LAMC1: variants seen among roughly 807,000 people sequenced by gnomAD.
LAMC1 encodes the protein laminin subunit gamma-1.
A neutral mutation model predicts 173.6 loss-of-function variants in LAMC1; 38 were observed. The observed-to-expected ratio is 0.22, with a 90% confidence interval of 0.17 to 0.29. The LOEUF (loss-of-function observed/expected upper bound fraction) is 0.29, where lower values mean the gene tolerates loss of function less well. Among genes scored for constraint, LAMC1 ranks in the 10% least tolerant of loss-of-function variants. The probability of loss-of-function intolerance (pLI) is 1.00; values close to 1 mark genes in which losing one functional copy is unlikely to be tolerated. For synonymous variants in LAMC1, 746 were observed against 749.1 expected (o/e 1.00, Z 0.07); for missense variants, 1,824 against 2,051.8 (o/e 0.89, Z 2.14).
intron 1 of LAMC1, among the ~76,000 whole-genome samples, chr1:183,059,046 T>C (rs1654675311): frequency 6.6e-6 from 1 of 152,234 alleles, no homozygotes; most frequent in Non-Finnish European, 1.5e-5. Context: ...CTGTTTTTGT[T>C]ATGCATAGGC....
chr1:183,054,412 C>G (rs1009252054), intron 1 of LAMC1, among the ~76,000 whole-genome samples: 4 of 152,170 alleles, frequency 2.6e-5, no homozygotes, highest in Non-Finnish European at 4.4e-5. Context: ...AAAATGCCTT[C>G]TATACAACGT....
intron 1 of LAMC1, among the ~76,000 whole-genome samples, chr1:183,100,086 G>A (rs1003618570): frequency 6.6e-6 from 1 of 152,180 alleles, no homozygotes; most frequent in Non-Finnish European, 1.5e-5. Flanking sequence ...ACAAGTTGAG[G>A]AGCCTTTCAA....
Position 183,137,741 on chromosome 1 carries a change from A to T in LAMC1, c.4387A>T (p.Asn1463Tyr), listed in dbSNP as rs764375327. The T allele has an allele frequency of 9.3e-6, 15 of 1,612,730 alleles. No homozygotes were observed. Among genetic ancestry groups the T allele is most frequent in the Non-Finnish European group, 1.3e-5 (15 of 1,179,244 alleles). The change falls in exon 26 of 28, where the codon AAT becomes TAT. Residue 1463 changes from asparagine to tyrosine, a missense_variant. Asn to Tyr is a moderately radical substitution (Grantham distance 143, BLOSUM62 -2). Coordinates refer to ENST00000258341, the MANE Select transcript of LAMC1 (RefSeq NM_002293.4). Reference sequence around the variant, plus strand: ...TACAGATCTGGATAATGAGGTGAACAATATGTTGAAGCAACTGCAGGAAGC... The same window carrying T: ...TACAGATCTGGATAATGAGGTGAACTATATGTTGAAGCAACTGCAGGAAGC... ...EVTDLDNEVN[N>Y]MLKQLQEAEK...
chr1:183,028,514 C>G (rs1277642300), intron 1 of LAMC1, among the ~76,000 whole-genome samples: 1 of 152,186 alleles, frequency 6.6e-6, no homozygotes, highest in Admixed American at 6.5e-5. Context: ...TGAGATTTCT[C>G]ACAACGCAAG....
In LAMC1 at chr1:183,050,533, C is replaced by T. The variant is rs1171094431; in HGVS notation, c.418+26399C>T. Among the ~76,000 whole-genome samples the T allele has an allele frequency of 4.1e-5, 6 of 146,380 alleles. No homozygotes were observed. In the East Asian group the frequency reaches 1.1e-3, roughly 26 times the overall value. On this transcript the variant is annotated intron_variant, in intron 1 of 27. Coordinates refer to ENST00000258341, the MANE Select transcript of LAMC1 (RefSeq NM_002293.4). Reference sequence around the variant, plus strand: ...TCCTGACCTCGTGATCTGCCCGCCTCGGCCTCCCAAAGTGCTGGGATTACA... The same window carrying T: ...TCCTGACCTCGTGATCTGCCCGCCTTGGCCTCCCAAAGTGCTGGGATTACA...
intron 1 of LAMC1, among the ~76,000 whole-genome samples, chr1:183,090,328 A>G (rs1363792781): frequency 6.6e-6 from 1 of 152,224 alleles, no homozygotes; most frequent in Non-Finnish European, 1.5e-5. Context: ...TGTAGAAGGT[A>G]TAATTTAATC....
chr1:183,100,993 G>A (rs1330387184), intron 1 of LAMC1, among the ~76,000 whole-genome samples: 1 of 152,176 alleles, frequency 6.6e-6, no homozygotes, highest in Non-Finnish European at 1.5e-5. Flanking sequence ...TGTGTCTGTG[G>A]CTGCAGCAAG....
At chr1:183,070,218 T>A (rs1379398244) in intron 1 of LAMC1, among the ~76,000 whole-genome samples, 1 of 152,210 alleles carries the variant, frequency 6.6e-6, no homozygotes, top group Non-Finnish European at 1.5e-5. Context: ...ATTTGCAAAT[T>A]ATTTAGTCTC....
intron 26 of LAMC1, 90 bp downstream of exon 26, chr1:183,137,917 A>G: frequency 8.8e-7 from 1 of 1,137,502 alleles, no homozygotes; most frequent in Non-Finnish European, 1.2e-6. Context: ...AGTCTTTTTT[A>G]TATTGACTTC....
rs150040941 is a variant in LAMC1 at position 183,100,871 on chromosome 1, C to A, written c.419-2457C>A. On this transcript the variant is annotated intron_variant, in intron 1 of 27. Transcript: ENST00000258341. ...CTGTAGATTGGCATAAGAAAGGTAG[C>A]CCTGCAAATGAAGCTCAGTGCCAGC... is the stretch of plus-strand genomic sequence containing the variant. 9.2e-5 allele frequency among the ~76,000 whole-genome samples: 14 copies of A among 152,288 alleles called. No homozygotes were observed. The East Asian group carries it at 2.5e-3, about 27-fold the overall frequency.
chr1:183,057,614 A>G (rs1472440528), intron 1 of LAMC1, among the ~76,000 whole-genome samples: 1 of 152,144 alleles, frequency 6.6e-6, no homozygotes, highest in Non-Finnish European at 1.5e-5. Context: ...TACAAAAATT[A>G]GCCGGGCATG....
rs1656362341 is a variant in LAMC1 at position 183,117,731 on chromosome 1, A to G, written c.1877+8A>G. ...TGTGAAGTATGTCTTCAGGTAAGAT[A>G]GCCTTCTTTGTAAAGTGAGACTTGA... On this transcript the variant is annotated splice_region_variant and intron_variant, in intron 10 of 27. Coordinates refer to ENST00000258341, the MANE Select transcript of LAMC1 (RefSeq NM_002293.4). 2 of 1,607,324 alleles carry G rather than the reference A, an allele frequency of 1.2e-6. No homozygotes were observed. Among genetic ancestry groups the G allele is most frequent in the African/African-American group, 1.3e-5 (1 of 74,916 alleles).
At chr1:183,044,877 C>T (rs906218186) in intron 1 of LAMC1, among the ~76,000 whole-genome samples, 3 of 150,974 alleles carry the variant, frequency 2.0e-5, no homozygotes, top group Admixed American at 6.6e-5. Flanking sequence ...GACTTTTAAA[C>T]GTTTCTGTTA....
chr1:183,142,034 A>T (rs1298272681), intron 27 of LAMC1, among the ~76,000 whole-genome samples: 1 of 152,202 alleles, frequency 6.6e-6, no homozygotes, highest in African/African-American at 2.4e-5. Context: ...CATTTTCCAT[A>T]GGAAGGCTCC....
At chr1:183,133,841 C>T (rs1656866823) in intron 22 of LAMC1, among the ~76,000 whole-genome samples, 1 of 152,068 alleles carries the variant, frequency 6.6e-6, no homozygotes, top group African/African-American at 2.4e-5. Context: ...AAAAACTTAC[C>T]AAGGTAAAGA....
At chr1:183,077,991 G>T (rs1003829574) in intron 1 of LAMC1, among the ~76,000 whole-genome samples, 4 of 151,600 alleles carry the variant, frequency 2.6e-5, no homozygotes. Context: ...TCCCTTAAAA[G>T]TTGTGTTTTG....
intron 11 of LAMC1, among the ~76,000 whole-genome samples, 161 bp downstream of exon 11, chr1:183,118,307 C>T (rs1028321568): frequency 2.6e-5 from 4 of 152,026 alleles, no homozygotes; most frequent in East Asian, 1.9e-4. Flanking sequence ...CATTTTTTAA[C>T]GGCTTTCAAG....
rs1450137020 is a variant in LAMC1 at position 183,129,109 on chromosome 1, C to T, written c.3280+359C>T. On this transcript the variant is annotated intron_variant, in intron 18 of 27. Transcript: ENST00000258341. The stretch of plus-strand genomic sequence containing the variant: ...TTTTTTTTTTTTTTTTTTTTTTGAG[C>T]CACAATCACTCTGTTGCCCAGGCTG... 2.2e-4 allele frequency among the ~76,000 whole-genome samples: 21 copies of T among 97,124 alleles called. No homozygotes were observed. In the Admixed American group the frequency reaches 2.7e-3, roughly 13 times the overall value. 63.7% of individuals were successfully genotyped at this position (97,124 alleles called of 152,430 possible).
At chr1:183,067,128 G>A (rs1294970943) in intron 1 of LAMC1, among the ~76,000 whole-genome samples, 1 of 151,962 alleles carries the variant, frequency 6.6e-6, no homozygotes, top group Non-Finnish European at 1.5e-5. Flanking sequence ...TGATACCAGG[G>A]TTTGTTAAAA....
Sources: allele counts gnomAD v4.1 joint callset (sites outside exome capture counted in the v4.1 genomes callset), GRCh38; gene constraint gnomAD v4.1.1; transcripts MANE v1.5; gene names NCBI Gene and HGNC (gene_info 2026-07-23, HGNC 2026-07-21).